CTNNA3: variants seen among roughly 807,000 people sequenced by gnomAD.
The protein encoded by CTNNA3 is catenin alpha-3.
CTNNA3 carries 76 observed loss-of-function variants against 95.7 expected under a neutral mutation model. That is an observed-to-expected ratio of 0.79 (90% CI 0.66 to 0.96). The LOEUF (loss-of-function observed/expected upper bound fraction) is 0.96, where lower values mean the gene tolerates loss of function less well. CTNNA3 is among the 40% of genes least tolerant of loss of function. CTNNA3 has a pLI of 0.00. For missense variants in CTNNA3, 1,191 were observed against 1,089.8 expected, an observed-to-expected ratio of 1.09 and a Z score of -1.31; for synonymous variants, 431 against 374.4, an observed-to-expected ratio of 1.15 and a Z score of -1.74.
rs1280386697 is a variant in CTNNA3, at chr10:65,950,889, TTG to T, written c.2400+15721_2400+15722del. Among the ~76,000 whole-genome samples, 5 of 152,188 alleles carry T rather than the reference TTG, an allele frequency of 3.3e-5. No homozygotes were observed. In the South Asian group the frequency reaches 1.0e-3, roughly 32 times the overall value. ...ATTTCTTTCCTTCCCATATCCAGGT[TTG>T]TGTGTGTGTGCTTCATCCAGATTTT... On this transcript the variant is annotated intron_variant, in intron 17 of 17. Transcript: ENST00000433211.
chr10:66,501,745 A>G (rs1279702408), intron 11 of CTNNA3, among the ~76,000 whole-genome samples: 1 of 152,100 alleles, frequency 6.6e-6, no homozygotes, highest in Non-Finnish European at 1.5e-5. Flanking sequence ...AGAATATTCT[A>G]TTGCCTGAGG....
At chr10:67,128,406 C>A (rs924217052) in intron 7 of CTNNA3, among the ~76,000 whole-genome samples, 1 of 151,916 alleles carries the variant, frequency 6.6e-6, no homozygotes, top group Non-Finnish European at 1.5e-5. Flanking sequence ...CATCTCTCAA[C>A]TGGGAAACAA....
At chr10:66,212,577 G>C (rs866925875) in intron 13 of CTNNA3, among the ~76,000 whole-genome samples, 2 of 152,152 alleles carry the variant, frequency 1.3e-5, no homozygotes, top group African/African-American at 4.8e-5. Context: ...GTGCAACAAA[G>C]TAATTGAGGG....
At chr10:66,697,732 A>G (rs1312128398) in intron 9 of CTNNA3, among the ~76,000 whole-genome samples, 1 of 152,180 alleles carries the variant, frequency 6.6e-6, no homozygotes, top group East Asian at 1.9e-4. Context: ...TACATGAAAA[A>G]ACATTGTCCT....
chr10:65,936,636 C>A (rs1377050252), intron 17 of CTNNA3, among the ~76,000 whole-genome samples: 1 of 151,960 alleles, frequency 6.6e-6, no homozygotes, highest in Non-Finnish European at 1.5e-5. Context: ...CAAATGCAAG[C>A]CAAACTTTCT....
intron 15 of CTNNA3, among the ~76,000 whole-genome samples, chr10:66,034,689 T>C (rs2079525353): frequency 6.6e-6 from 1 of 152,222 alleles, no homozygotes; most frequent in Non-Finnish European, 1.5e-5. Flanking sequence ...ACTCCTTTAA[T>C]AGCCACTTAC....
At chr10:66,008,921 G>T (rs965818424) in intron 15 of CTNNA3, among the ~76,000 whole-genome samples, 17 of 151,996 alleles carry the variant, frequency 1.1e-4, no homozygotes, top group Non-Finnish European at 2.2e-4. Context: ...CCAACATGGT[G>T]AAACCCCATC....
At chr10:66,553,188 T>C (rs545635623) in intron 10 of CTNNA3, among the ~76,000 whole-genome samples, 1 of 152,182 alleles carries the variant, frequency 6.6e-6, no homozygotes, top group East Asian at 1.9e-4. Context: ...TAAATATAGT[T>C]TTTAAGTAGT....
intron 9 of CTNNA3, among the ~76,000 whole-genome samples, chr10:66,638,815 G>A (rs1845421918): frequency 6.6e-6 from 1 of 151,608 alleles, no homozygotes; most frequent in Non-Finnish European, 1.5e-5. Flanking sequence ...CGTTATTCTT[G>A]TCACATAGTT....
chr10:66,740,754 T>C (rs1346911598), intron 9 of CTNNA3, among the ~76,000 whole-genome samples: 1 of 152,244 alleles, frequency 6.6e-6, no homozygotes, highest in Admixed American at 6.5e-5. Context: ...AGTTAGAAGA[T>C]AAGTATGATT....
chr10:67,587,534 T>C (rs1216696988), intron 3 of CTNNA3, among the ~76,000 whole-genome samples: 1 of 152,178 alleles, frequency 6.6e-6, no homozygotes, highest in Non-Finnish European at 1.5e-5. Flanking sequence ...GAATATATCA[T>C]GCAATTCTTT....
At chr10:66,900,237 A>G (rs1237134257) in intron 7 of CTNNA3, among the ~76,000 whole-genome samples, 1 of 152,166 alleles carries the variant, frequency 6.6e-6, no homozygotes, top group Non-Finnish European at 1.5e-5. Context: ...AAGGGGCTGG[A>G]GTGGACCTCC....
intron 7 of CTNNA3, among the ~76,000 whole-genome samples, chr10:66,996,694 T>C (rs1228084634): frequency 6.9e-6 from 1 of 144,930 alleles, no homozygotes; most frequent in Non-Finnish European, 1.5e-5. Context: ...CAATCACTTA[T>C]GTGTTTATTT....
intron 7 of CTNNA3, among the ~76,000 whole-genome samples, chr10:67,086,390 C>G (rs1367744268): frequency 2.6e-5 from 4 of 151,882 alleles, no homozygotes; most frequent in Admixed American, 2.6e-4. Flanking sequence ...CAACCAAAGT[C>G]TCAATTAATT....
intron 11 of CTNNA3, among the ~76,000 whole-genome samples, chr10:66,388,417 C>T (rs950674111): frequency 2.0e-4 from 31 of 152,054 alleles, no homozygotes; most frequent in Admixed American, 6.6e-4. Flanking sequence ...TATTCACTAA[C>T]AATGAATGAG....
At chr10:66,429,588 C>A (rs2093276279) in intron 11 of CTNNA3, among the ~76,000 whole-genome samples, 1 of 152,154 alleles carries the variant, frequency 6.6e-6, no homozygotes, top group Non-Finnish European at 1.5e-5. Context: ...GGATGCAAGG[C>A]TGGTTCAACA....
At chr10:66,761,603 G>C (rs1219321618) in intron 9 of CTNNA3, among the ~76,000 whole-genome samples, 1 of 152,054 alleles carries the variant, frequency 6.6e-6, no homozygotes, top group East Asian at 1.9e-4. Context: ...TTTCAAAATT[G>C]ATTTTAGAGA....
intron 7 of CTNNA3, among the ~76,000 whole-genome samples, chr10:67,140,658 G>A (rs895416200): frequency 6.6e-6 from 1 of 152,052 alleles, no homozygotes; most frequent in South Asian, 2.1e-4. Flanking sequence ...ACTTCAATAT[G>A]GCCCAATAAC....
At chr10:67,089,714 CAT>C (rs1413881812) in intron 7 of CTNNA3, among the ~76,000 whole-genome samples, 4 of 90,860 alleles carry the variant, frequency 4.4e-5, no homozygotes, top group Non-Finnish European at 7.2e-5. Context: ...TGTGTATATA[CAT>C]ATGTGTGTGT....
Sources: gnomAD v4.1 joint callset for allele counts (sites outside exome capture counted in the v4.1 genomes callset) on GRCh38, gnomAD v4.1.1 for gene constraint, MANE v1.5 for transcripts, NCBI Gene and HGNC (gene_info 2026-07-23, HGNC 2026-07-21) for gene names.